The following LRWD1 variants were observed in gnomAD, a reference collection of about 807,000 sequenced individuals.
The protein encoded by LRWD1 is leucine rich repeats and WD repeat domain containing 1.
LRWD1 carries 76 observed loss-of-function variants against 75.6 expected under a neutral mutation model. The observed-to-expected ratio is 1.01, with a 90% CI of 0.84 to 1.22. The LOEUF (loss-of-function observed/expected upper bound fraction) is 1.22, where lower values mean the gene tolerates loss of function less well. Ranked by LOEUF, LRWD1 falls within the 50% of genes most tolerant of loss-of-function variation. LRWD1 has a pLI of 0.00. For synonymous variants in LRWD1, 487 were observed against 377.0 expected (o/e 1.29, Z -3.38); for missense variants, 917 against 862.0 (o/e 1.06, Z -0.80).
chr7:102,469,964 G>C (rs1036610072), intron 11 of LRWD1, 82 bp downstream of exon 11: 9 of 1,414,246 alleles, frequency 6.4e-6, no homozygotes, highest in Middle Eastern at 4.8e-4. Flanking sequence ...CAGCAGCCTG[G>C]GCACACCCGG....
rs1366182970 is a variant in LRWD1 at position 102,467,770 on chromosome 7, A to G, written c.625A>G (p.Lys209Glu). 6.4e-7 allele frequency: 1 copy of G among 1,552,014 alleles called. No individual in the cohort carries two copies. Among genetic ancestry groups the G allele is most frequent in the Admixed American group, 2.0e-5 (1 of 51,070 alleles). Reference sequence around the variant, plus strand: ...GGCCGCCAGTAGGACCCAGGTGCAAAAGGCTAACAGCCCAGAGAAGCCCCC... The same window carrying G: ...GGCCGCCAGTAGGACCCAGGTGCAAGAGGCTAACAGCCCAGAGAAGCCCCC... ...LVAASRTQVQ[K>E]ANSPEKPPEA... Residue 209 changes from lysine to glutamate, a missense_variant, in exon 5 of 15, where the codon AAG becomes GAG. By Grantham distance (56) the Lys-to-Glu change is moderately conservative. Transcript: ENST00000292616.
chr7:102,471,988 C>T (rs1023449021), intron 11 of LRWD1: 1 of 521,104 alleles, frequency 1.9e-6, no homozygotes, highest in Non-Finnish European at 3.5e-6. Flanking sequence ...GGAAGAGCCA[C>T]CCCTCGTGCC....
chr7:102,467,171 GGTGTGTGTGTGT>G (rs1209487514), intron 3 of LRWD1, among the ~76,000 whole-genome samples, 156 bp from the exon 4 acceptor site: 21 of 99,146 alleles, frequency 2.1e-4, no homozygotes, highest in East Asian at 1.9e-3. Flanking sequence ...GTGTGTGTGG[GGTGTGTGTGTGT>G]GTGTGTGTGT....
Position 102,466,011 on chromosome 7 carries a change from A to T in LRWD1, c.275A>T (p.Lys92Met). 6.2e-7 allele frequency: 1 copy of T among 1,613,998 alleles called. No homozygotes were observed. The highest frequency in any genetic ancestry group is 2.2e-5 in the East Asian group (1 of 44,872). ...GTTACTGCCTTGTGCCAGTTCCCCA[A>T]GCTCGAGGAACTCAGCCTGGAGGGC... ...GDVTALCQFP[K>M]LEELSLEGNP... The change falls in exon 2 of 15, where the codon AAG (lysine) becomes ATG (methionine). Residue 92 changes from lysine to methionine, a missense_variant. Transcript: ENST00000292616.
rs754223351 is a variant in LRWD1, at chr7:102,472,620, C to A, written c.1690+11C>A. 2 of 1,609,506 alleles carry A rather than the reference C, an allele frequency of 1.2e-6. No individual in the cohort carries two copies. The highest frequency in any genetic ancestry group is 1.7e-5 in the Admixed American group (1 of 59,856). ...TCAGCGCCTGCCCTGGTGAGCCTGCCCCCCTGCCCGCCCCATCCCGCGGGC... is the reference window on the plus strand; with the variant it reads ...TCAGCGCCTGCCCTGGTGAGCCTGCACCCCTGCCCGCCCCATCCCGCGGGC... On this transcript the variant is annotated intron_variant, in intron 13 of 14. Transcript: ENST00000292616.
intron 9 of LRWD1, 37 bp downstream of exon 9, chr7:102,469,099 ACC>A: frequency 6.6e-7 from 1 of 1,519,756 alleles, no homozygotes; most frequent in Non-Finnish European, 8.9e-7. Flanking sequence ...ACCCCCAAGC[ACC>A]CCTGTCCTGC....
Position 102,467,096 on chromosome 7 carries a change from TA to T in LRWD1, c.433-242del, listed in dbSNP as rs1563653946. On this transcript the variant is annotated intron_variant, in intron 3 of 14. Transcript: ENST00000292616. ...GTGTGTGTGTGTGTGTGTGTGTGTG[TA>T]GGCACCTGGGTTGTTGCTGGGGTGT... Among the ~76,000 whole-genome samples the T allele has an allele frequency of 2.4e-3, 303 of 128,362 alleles. 4 individuals carry two copies. Among genetic ancestry groups the T allele is most frequent in the African/African-American group, 8.5e-3 (286 of 33,568 alleles). The allele number at this position is 128,362 out of a possible 152,430, so 84.2% of individuals were successfully genotyped here. A position where few individuals can be genotyped will look rare whatever the true frequency, so the allele number is the denominator to read the frequency against.
Position 102,472,701 on chromosome 7 carries a change from T to C in LRWD1, c.1700T>C (p.Ile567Thr), listed in dbSNP as rs771519188. 10 of 1,613,398 alleles carry C rather than the reference T, an allele frequency of 6.2e-6. No individual in the cohort carries two copies. The African/African-American group carries it at 6.7e-5, about 11-fold the overall frequency. ...ACCTCTGTCCCGGCAGATAAGGGGA[T>C]TGTGCTCTGTGGGGATGAGGAGGGC... ...FSLSACPDKG[I>T]VLCGDEEGNV... is the part of the protein sequence containing the mutation. Residue 567 changes from isoleucine (I) to threonine (T), a missense_variant, in exon 14 of 15, where the codon ATT becomes ACT. Physicochemically the swap from Ile to Thr is moderately conservative, Grantham distance 89. Coordinates refer to ENST00000292616, the MANE Select transcript of LRWD1 (RefSeq NM_152892.3).
Position 102,466,801 on chromosome 7 carries a change from G to A in LRWD1, c.432+531G>A, listed in dbSNP as rs868130805. Reference sequence around the variant, plus strand: ...TTTTTTTTTTTTTTTTTTTTTTAGAGACAGGGTCTCGCTCTGCTGCCCATG... The same window carrying A: ...TTTTTTTTTTTTTTTTTTTTTTAGAAACAGGGTCTCGCTCTGCTGCCCATG... On this transcript the variant is annotated intron_variant, in intron 3 of 14. Transcript: ENST00000292616. 1.7e-4 allele frequency among the ~76,000 whole-genome samples: 19 copies of A among 109,674 alleles called. No homozygotes were observed. The South Asian group carries it at 5.3e-3, about 31-fold the overall frequency. 72.0% of individuals were successfully genotyped at this position (109,674 alleles called of 152,430 possible).
Position 102,472,511 on chromosome 7 carries a change from G to T in LRWD1, c.1592G>T (p.Gly531Val), listed in dbSNP as rs1443133003. The T allele has an allele frequency of 1.3e-6, 2 of 1,556,302 alleles. No individual in the cohort carries two copies. The highest frequency in any genetic ancestry group is 4.8e-5 in the East Asian group (2 of 41,910). The change falls in exon 13 of 15, where the codon GGG becomes GTG. Residue 531 changes from glycine to valine, a missense_variant. Coordinates refer to ENST00000292616, the MANE Select transcript of LRWD1 (RefSeq NM_152892.3). ...ICLWSWRQTW[G>V]GRGSQSTVAV... ...CTGTGGAGCTGGAGGCAGACGTGGG[G>T]GGGCCGGGGCAGCCAGTCCACGGTG... is the stretch of plus-strand genomic sequence containing the variant.
chr7:102,467,907 G>A (rs1193564131), intron 5 of LRWD1, 84 bp downstream of exon 5: 2 of 1,500,278 alleles, frequency 1.3e-6, no homozygotes, highest in East Asian at 4.9e-5. Context: ...TCCTGGGCAT[G>A]TGCCCAGGAA....
At chr7:102,467,149 GT>G (rs1798017639) in intron 3 of LRWD1, among the ~76,000 whole-genome samples, 189 bp from the exon 4 acceptor site, 2 of 131,366 alleles carry the variant, frequency 1.5e-5, no homozygotes, top group African/African-American at 5.6e-5. Context: ...AGGCACCTGG[GT>G]TGTTGCTGGG....
At position 102,465,982 on chromosome 7, in the gene LRWD1, G is replaced by C; in HGVS notation, c.246G>C (p.Gly82=). 1 of 1,613,978 alleles carries C rather than the reference G, an allele frequency of 6.2e-7. No homozygotes were observed. The highest frequency in any genetic ancestry group is 8.5e-7 in the Non-Finnish European group (1 of 1,180,022). The change falls in exon 2 of 15, where the codon GGG becomes GGC. Residue 82 remains glycine (G), a synonymous_variant. Coordinates refer to ENST00000292616, the MANE Select transcript of LRWD1 (RefSeq NM_152892.3). ...TCCGCTGCGCCAACAACCAGCTGGG[G>C]GATGTTACTGCCTTGTGCCAGTTCC... is the stretch of plus-strand genomic sequence containing the variant. ...RVLRCANNQL[G]DVTALCQFPK... is the part of the protein sequence containing the mutation.
intron 3 of LRWD1, among the ~76,000 whole-genome samples, 171 bp from the exon 4 acceptor site, chr7:102,467,168 T>TGGG (rs1157897255): frequency 1.6e-4 from 3 of 18,508 alleles, no homozygotes; most frequent in African/African-American, 3.5e-4. Flanking sequence ...GGGGTGTGTG[T>TGGG]GGGGTGTGTG....
chr7:102,468,180 G>A lies in LRWD1; in HGVS notation c.797G>A (p.Gly266Asp). ...VEGSPVAGSD[G>D]SQPAVKLEPL... ...GGCAGCCCTGTGGCAGGCTCCGATG[G>A]CAGCCAGGTGAGCTGAGGTGGCAAG... The change falls in exon 6 of 15, where the codon GGC (glycine) becomes GAC (aspartate). Residue 266 changes from glycine (G) to aspartate (D), a missense_variant. Transcript: ENST00000292616. The A allele has an allele frequency of 6.2e-7, 1 of 1,605,528 alleles. No homozygotes were observed. Among genetic ancestry groups the A allele is most frequent in the Non-Finnish European group, 8.5e-7 (1 of 1,177,236 alleles).
At chr7:102,467,170 GGGTGTGT>G (rs1358696291) in intron 3 of LRWD1, among the ~76,000 whole-genome samples, 162 bp from the exon 4 acceptor site, 7,115 of 54,252 alleles carry the variant, frequency 0.13, 432 homozygotes, top group Non-Finnish European at 0.18. Context: ...GGTGTGTGTG[GGGTGTGT>G]GTGTGTGTGT....
At chr7:102,467,546 G>A (rs1798048472) in intron 4 of LRWD1, 67 bp downstream of exon 4, 3 of 1,590,766 alleles carry the variant, frequency 1.9e-6, no homozygotes, top group Non-Finnish European at 1.7e-6. Context: ...GGAGGTCCCT[G>A]GCCATGAAGG....
intron 11 of LRWD1, chr7:102,471,941 C>T (rs1207404767): frequency 4.6e-6 from 2 of 434,330 alleles, no homozygotes; most frequent in Non-Finnish European, 8.6e-6. Flanking sequence ...TGGCTCGCTT[C>T]AGAGCCTTAT....
chr7:102,467,162 T>TGTGTGGG (rs1563654132), intron 3 of LRWD1, among the ~76,000 whole-genome samples, 177 bp from the exon 4 acceptor site: 3 of 14,070 alleles, frequency 2.1e-4, no homozygotes, highest in Non-Finnish European at 6.8e-4. Flanking sequence ...GTTGCTGGGG[T>TGTGTGGG]GTGTGTGGGG....
Sources: allele counts gnomAD v4.1 joint callset (sites outside exome capture counted in the v4.1 genomes callset), GRCh38; gene constraint gnomAD v4.1.1; transcripts MANE v1.5; gene names NCBI Gene and HGNC (gene_info 2026-07-23, HGNC 2026-07-21).